The following NCOR2 variants were observed in gnomAD, a reference collection of about 807,000 sequenced individuals.
NCOR2 encodes the protein nuclear receptor corepressor 2.
In NCOR2, 81 loss-of-function variants were observed where a neutral mutation model predicts 262.9. That is an observed-to-expected ratio of 0.31 (90% CI 0.26 to 0.37). The LOEUF (loss-of-function observed/expected upper bound fraction) is 0.37, where lower values mean the gene tolerates loss of function less well. Ranked by LOEUF, NCOR2 falls within the 10% of genes least tolerant of loss-of-function variation. The pLI, the probability that NCOR2 is intolerant of heterozygous loss-of-function variation, is 1.00. For synonymous variants in NCOR2, 1,659 were observed against 1,559.3 expected (o/e 1.06, Z -1.51); for missense variants, 3,385 against 3,621.4 (o/e 0.93, Z 1.68).
At chr12:124,334,168 C>G (rs962091122) in intron 41 of NCOR2, among the ~76,000 whole-genome samples, 1 of 152,210 alleles carries the variant, frequency 6.6e-6, no homozygotes, top group Admixed American at 6.5e-5. Flanking sequence ...CTGCCTATGT[C>G]TCCTGGGGGG....
chr12:124,433,890 A>ACC (rs2044165089), intron 8 of NCOR2, among the ~76,000 whole-genome samples: 1 of 124,418 alleles, frequency 8.0e-6, no homozygotes, highest in Non-Finnish European at 1.6e-5. Flanking sequence ...ACACACACAC[A>ACC]CACACACACG....
At chr12:124,347,640 T>C in intron 30 of NCOR2, 185 bp downstream of exon 32, 1 of 615,088 alleles carries the variant, frequency 1.6e-6, no homozygotes, top group Non-Finnish European at 2.8e-6. Flanking sequence ...TTGTTTTTGT[T>C]TTGAAATAAG....
intron 12 of NCOR2, among the ~76,000 whole-genome samples, chr12:124,422,148 C>G (rs1408984777): frequency 6.6e-6 from 1 of 152,248 alleles, no homozygotes; most frequent in African/African-American, 2.4e-5. Context: ...GAATCCACCC[C>G]CAGTTTGCAA....
chr12:124,562,231 T>C (rs2052095589), intron 1 of NCOR2: 1 of 152,174 alleles, frequency 6.6e-6, no homozygotes, highest in Non-Finnish European at 1.5e-5. Context: ...GGGACCCACT[T>C]TTCAAGTGCT....
intron 3 of NCOR2, among the ~76,000 whole-genome samples, chr12:124,478,766 T>A (rs183715637): frequency 1.3e-5 from 2 of 150,410 alleles, no homozygotes; most frequent in East Asian, 3.9e-4. Context: ...GAAATGGACA[T>A]AGATGAAGAC....
chr12:124,418,380 C>T (rs533940444), intron 13 of NCOR2, among the ~76,000 whole-genome samples: 31 of 152,326 alleles, frequency 2.0e-4, no homozygotes, highest in African/African-American at 7.2e-4. Flanking sequence ...AGGAAAGTGG[C>T]TGTTTCACGG....
chr12:124,361,522 G>A (rs1213489607), intron 22 of NCOR2, among the ~76,000 whole-genome samples: 1 of 152,244 alleles, frequency 6.6e-6, no homozygotes, highest in African/African-American at 2.4e-5. Flanking sequence ...ACAGTGAGGT[G>A]TGCCCGGGGC....
intron 1 of NCOR2, among the ~76,000 whole-genome samples, chr12:124,487,488 G>C (rs1286234564): frequency 6.6e-6 from 1 of 152,228 alleles, no homozygotes; most frequent in Non-Finnish European, 1.5e-5. Flanking sequence ...CTCTCTCTAC[G>C]GGGCCTCGGC....
intron 41 of NCOR2, among the ~76,000 whole-genome samples, chr12:124,333,665 C>CA (rs1360354051): frequency 3.3e-5 from 5 of 151,466 alleles, no homozygotes; most frequent in South Asian, 2.1e-4. Context: ...CATTACCCCC[C>CA]CCGCCCCCAC....
At chr12:124,537,968 A>C (rs1303192224), upstream of NCOR2, 2 of 152,250 alleles carry the variant, frequency 1.3e-5, no homozygotes, top group East Asian at 3.9e-4. Context: ...GCCCGGGCAC[A>C]TCTTCACAGC....
chr12:124,337,177 G>A lies in NCOR2; in HGVS notation c.5691C>T (p.Ser1897=), dbSNP rs763866381. Residue 1897 remains serine (S), a synonymous_variant, in exon 38 of 47, where the codon TCC becomes TCT. Transcript: ENST00000405201. ...GGCGAACGGGTGAGGAGGTGGAGGT[G>A]GACCTGGGGGAGGAGAGAAGGCGGT... The A allele has an allele frequency of 1.2e-5, 18 of 1,541,592 alleles. No individual in the cohort carries two copies. The South Asian group carries it at 2.2e-4, about 19-fold the overall frequency.
chr12:124,420,835 A>G (rs1445601080), intron 12 of NCOR2, among the ~76,000 whole-genome samples: 2 of 152,290 alleles, frequency 1.3e-5, no homozygotes, highest in South Asian at 4.1e-4. Context: ...CCCACCTCCA[A>G]TGGGCATTCT....
chr12:124,490,851 C>T (rs960921095), intron 1 of NCOR2, among the ~76,000 whole-genome samples: 8 of 152,260 alleles, frequency 5.3e-5, no homozygotes, highest in African/African-American at 1.2e-4. Flanking sequence ...GTGACCCTGG[C>T]ATCCAAGGGC....
chr12:124,341,853 G>A (rs1369553293), exon 34 of NCOR2: 2 of 1,608,930 alleles, frequency 1.2e-6, no homozygotes, highest in South Asian at 1.1e-5. Context: ...TTGAGTGCCA[G>A]CGAGGACTCG....
intron 1 of NCOR2, among the ~76,000 whole-genome samples, chr12:124,506,842 G>A (rs888725410): frequency 2.6e-5 from 4 of 152,196 alleles, no homozygotes; most frequent in Admixed American, 6.5e-5. Context: ...ACTTAACCCC[G>A]TGCCCCTGGG....
At chr12:124,420,247 C>T (rs2043135299) in intron 12 of NCOR2, among the ~76,000 whole-genome samples, 192 bp from the exon 15 acceptor site, 1 of 152,244 alleles carries the variant, frequency 6.6e-6, no homozygotes, top group Non-Finnish European at 1.5e-5. Context: ...ACATACTTCA[C>T]AGGATTATCA....
intron 17 of NCOR2, among the ~76,000 whole-genome samples, chr12:124,385,359 T>C (rs1184691089): frequency 6.6e-6 from 1 of 152,124 alleles, no homozygotes; most frequent in Non-Finnish European, 1.5e-5. Context: ...TCAGGACCCA[T>C]TTGCCTCCGG....
At chr12:124,352,673 G>A (rs770721074) in intron 27 of NCOR2, among the ~76,000 whole-genome samples, 2 of 152,220 alleles carry the variant, frequency 1.3e-5, no homozygotes, top group Admixed American at 6.5e-5. Flanking sequence ...CCAGCTTGAT[G>A]TTTTTGAGCT....
Position 124,335,111 on chromosome 12 carries a change from C to A in NCOR2, c.6411+24G>T, listed in dbSNP as rs372222663. ...TGCCCCCAGGTGCAAAGGTGACAAGCAGCAGCAGAGAACGCGTAGTTACAC... is the reference window on the plus strand; with the variant it reads ...TGCCCCCAGGTGCAAAGGTGACAAGAAGCAGCAGAGAACGCGTAGTTACAC... On this transcript the variant is annotated intron_variant, in intron 40 of 46. Transcript: ENST00000405201. 85 of 1,612,330 alleles carry A rather than the reference C, an allele frequency of 5.3e-5. No individual in the cohort carries two copies. The African/African-American group carries it at 1.1e-3, about 20-fold the overall frequency.
Sources: gnomAD v4.1 joint callset for allele counts (sites outside exome capture counted in the v4.1 genomes callset) on GRCh38, gnomAD v4.1.1 for gene constraint, MANE v1.5 for transcripts, NCBI Gene and HGNC (gene_info 2026-07-23, HGNC 2026-07-21) for gene names.